Variants in GPR158 observed in about 807,000 individuals in gnomAD.
The protein encoded by GPR158 is G protein-coupled receptor 158, also known as metabotropic glycine receptor.
A neutral mutation model predicts 78.2 loss-of-function variants in GPR158; 30 were observed. The observed-to-expected ratio is 0.38, with a 90% CI of 0.29 to 0.52. The LOEUF (loss-of-function observed/expected upper bound fraction) is 0.52, where lower values mean the gene tolerates loss of function less well. GPR158 is among the 20% of genes least tolerant of loss of function. The pLI is 0.83. For synonymous variants in GPR158, 581 were observed against 591.1 expected, an observed-to-expected ratio of 0.98 and a Z score of 0.25; for missense variants, 1,463 against 1,523.5, an observed-to-expected ratio of 0.96 and a Z score of 0.66.
At chr10:25,371,127 G>A (rs1339950515) in intron 2 of GPR158, among the ~76,000 whole-genome samples, 1 of 148,184 alleles carries the variant, frequency 6.7e-6, no homozygotes, top group Non-Finnish European at 1.5e-5. Context: ...TATCCAATTT[G>A]CCAGTCTGTG....
intron 7 of GPR158, among the ~76,000 whole-genome samples, chr10:25,575,444 G>A (rs573585697): frequency 1.3e-5 from 2 of 152,084 alleles, no homozygotes; most frequent in Non-Finnish European, 2.9e-5. Context: ...CCCAGAACCC[G>A]CAGCAGCGGC....
chr10:25,275,822 G>A (rs1254258244), intron 2 of GPR158, among the ~76,000 whole-genome samples: 7 of 152,180 alleles, frequency 4.6e-5, no homozygotes, highest in African/African-American at 1.7e-4. Flanking sequence ...AGGTTTTTTG[G>A]TTTGTTCAAG....
chr10:25,204,601 GC>G (rs1429414814), intron 1 of GPR158, among the ~76,000 whole-genome samples: 2 of 152,242 alleles, frequency 1.3e-5, no homozygotes, highest in East Asian at 3.9e-4. Context: ...CAGGGTTGAA[GC>G]CCACTTGATC....
At chr10:25,433,550 TG>T (rs1442932165) in intron 4 of GPR158, among the ~76,000 whole-genome samples, 26 of 118,228 alleles carry the variant, frequency 2.2e-4, no homozygotes, top group African/African-American at 8.0e-4. Flanking sequence ...GTGTGTGTTG[TG>T]TGTGTGTGTG....
chr10:25,580,929 T>A (rs993854965), intron 7 of GPR158, among the ~76,000 whole-genome samples: 4 of 102,954 alleles, frequency 3.9e-5, no homozygotes, highest in African/African-American at 3.0e-4. Flanking sequence ...TTTTATTTTA[T>A]TTTTTTGAGA....
At chr10:25,525,266 C>T (rs1836331981) in intron 5 of GPR158, among the ~76,000 whole-genome samples, 1 of 152,144 alleles carries the variant, frequency 6.6e-6, no homozygotes, top group Non-Finnish European at 1.5e-5. Context: ...CTCAGCAATG[C>T]CATTCCTAAG....
intron 5 of GPR158, among the ~76,000 whole-genome samples, chr10:25,479,195 G>T (rs543683796): frequency 4.9e-4 from 74 of 152,164 alleles, no homozygotes; most frequent in African/African-American, 1.7e-3. Context: ...GGTTCTAAAA[G>T]ATCTTTCTAA....
intron 2 of GPR158, among the ~76,000 whole-genome samples, chr10:25,307,295 G>A (rs1018009558): frequency 6.7e-6 from 1 of 148,886 alleles, no homozygotes; most frequent in Non-Finnish European, 1.5e-5. Flanking sequence ...TTCATGAAAT[G>A]CTGACACACA....
At chr10:25,215,710 C>T (rs1853202009) in intron 1 of GPR158, among the ~76,000 whole-genome samples, 1 of 152,120 alleles carries the variant, frequency 6.6e-6, no homozygotes, top group African/African-American at 2.4e-5. Flanking sequence ...TGGTGCGCAC[C>T]TGTAGTCCCA....
chr10:25,253,161 C>T (rs1257026582), intron 2 of GPR158, among the ~76,000 whole-genome samples: 2 of 152,234 alleles, frequency 1.3e-5, no homozygotes, highest in African/African-American at 4.8e-5. Flanking sequence ...AATGCCTCGC[C>T]CTGCTTCGGC....
At chr10:25,278,693 CAG>C (rs1462442956) in intron 2 of GPR158, among the ~76,000 whole-genome samples, 4 of 151,434 alleles carry the variant, frequency 2.6e-5, no homozygotes, top group African/African-American at 9.7e-5. Context: ...AAAGGAGTAA[CAG>C]AGACTTACTA....
At chr10:25,470,102 A>T (rs1056345860) in intron 5 of GPR158, among the ~76,000 whole-genome samples, 6 of 152,188 alleles carry the variant, frequency 3.9e-5, no homozygotes, top group Non-Finnish European at 8.8e-5. Flanking sequence ...CTGCCCCTGT[A>T]TAACATCATT....
At chr10:25,202,898 G>A (rs778675392) in intron 1 of GPR158, among the ~76,000 whole-genome samples, 6 of 152,010 alleles carry the variant, frequency 3.9e-5, no homozygotes, top group East Asian at 1.9e-4. Context: ...CTATTTCTCC[G>A]TGTCCTCTCC....
chr10:25,400,554 A>G (rs904675833), intron 3 of GPR158, among the ~76,000 whole-genome samples: 1 of 152,218 alleles, frequency 6.6e-6, no homozygotes, highest in South Asian at 2.1e-4. Context: ...TGGTAATCAC[A>G]TGTGAGTTAG....
At chr10:25,465,353 G>C (rs1835407741) in intron 4 of GPR158, among the ~76,000 whole-genome samples, 1 of 152,068 alleles carries the variant, frequency 6.6e-6, no homozygotes, top group Non-Finnish European at 1.5e-5. Flanking sequence ...TGATATATTT[G>C]CTCTATATTG....
At chr10:25,205,197 A>T (rs1176059471) in intron 1 of GPR158, among the ~76,000 whole-genome samples, 1 of 151,286 alleles carries the variant, frequency 6.6e-6, no homozygotes, top group Non-Finnish European at 1.5e-5. Context: ...AGTTTCAGGT[A>T]TGTCTTTATC....
intron 1 of GPR158, among the ~76,000 whole-genome samples, chr10:25,179,892 C>G (rs1852592292): frequency 6.6e-6 from 1 of 152,038 alleles, no homozygotes; most frequent in Non-Finnish European, 1.5e-5. Flanking sequence ...AAGCATTTTC[C>G]TTAAAACTAG....
chr10:25,586,374 T>C (rs926220700), intron 7 of GPR158, among the ~76,000 whole-genome samples: 3 of 150,102 alleles, frequency 2.0e-5, no homozygotes, highest in African/African-American at 7.3e-5. Flanking sequence ...TCCAGGGTTG[T>C]AAGTAGGTAT....
At chr10:25,268,052 T>C (rs1854066049) in intron 2 of GPR158, among the ~76,000 whole-genome samples, 1 of 152,132 alleles carries the variant, frequency 6.6e-6, no homozygotes, top group Non-Finnish European at 1.5e-5. Context: ...CACAAGTCTT[T>C]TTTTTGCAAG....
Sources: allele counts gnomAD v4.1 joint callset (sites outside exome capture counted in the v4.1 genomes callset), GRCh38; gene constraint gnomAD v4.1.1; transcripts MANE v1.5; gene names NCBI Gene and HGNC (gene_info 2026-07-23, HGNC 2026-07-21).